Variants in TNNI3K observed in about 807,000 individuals in gnomAD.
TNNI3K encodes serine/threonine-protein kinase TNNI3K.
TNNI3K carries 140 observed loss-of-function variants against 114.5 expected under a neutral mutation model. That is an observed-to-expected ratio of 1.22 (90% CI 1.07 to 1.41). The LOEUF (loss-of-function observed/expected upper bound fraction) is 1.41, where lower values mean the gene tolerates loss of function less well. Among genes scored for constraint, TNNI3K ranks in the 40% most tolerant of loss-of-function variants. The probability of loss-of-function intolerance (pLI) is 0.00; values close to 1 mark genes in which losing one functional copy is unlikely to be tolerated. For synonymous variants in TNNI3K, 347 were observed against 347.5 expected, an observed-to-expected ratio of 1.00 and a Z score of 0.02; for missense variants, 1,125 against 1,007.6, an observed-to-expected ratio of 1.12 and a Z score of -1.58.
chr1:74,455,532 T>C (rs901606387), intron 20 of TNNI3K, among the ~76,000 whole-genome samples: 3 of 152,160 alleles, frequency 2.0e-5, no homozygotes, highest in Non-Finnish European at 4.4e-5. Flanking sequence ...TGATTTATTG[T>C]GGTAATTGAC....
At chr1:74,360,828 G>C (rs1335468143) in intron 11 of TNNI3K, among the ~76,000 whole-genome samples, 2 of 152,062 alleles carry the variant, frequency 1.3e-5, no homozygotes, top group Non-Finnish European at 2.9e-5. Flanking sequence ...CTCTTTCTCT[G>C]TGTTTACCAC....
intron 20 of TNNI3K, among the ~76,000 whole-genome samples, chr1:74,449,599 G>A (rs1349713214): frequency 6.6e-6 from 1 of 151,856 alleles, no homozygotes; most frequent in Non-Finnish European, 1.5e-5. Flanking sequence ...GGCAGGGGTT[G>A]CAATCCTAGT....
chr1:74,490,572 G>T (rs922877999), intron 22 of TNNI3K, among the ~76,000 whole-genome samples: 2 of 152,220 alleles, frequency 1.3e-5, no homozygotes, highest in African/African-American at 2.4e-5. Flanking sequence ...CAAGGGAGAA[G>T]ATGAATGGGC....
At chr1:74,249,760 C>A (rs1316428073) in intron 3 of TNNI3K, among the ~76,000 whole-genome samples, 1 of 152,132 alleles carries the variant, frequency 6.6e-6, no homozygotes, top group Non-Finnish European at 1.5e-5. Flanking sequence ...TGTGTTGCTA[C>A]CGGAAACCAA....
intron 20 of TNNI3K, among the ~76,000 whole-genome samples, chr1:74,444,756 A>G (rs976699065): frequency 2.0e-5 from 3 of 152,118 alleles, no homozygotes; most frequent in Admixed American, 1.3e-4. Context: ...AGCTGGAGGC[A>G]TCATGGTACC....
intron 5 of TNNI3K, among the ~76,000 whole-genome samples, chr1:74,301,857 C>G (rs1428769195): frequency 6.6e-6 from 1 of 152,124 alleles, no homozygotes. Context: ...TCAGAGGAAC[C>G]TTGGAAACAT....
At chr1:74,411,185 T>A (rs189986971) in intron 17 of TNNI3K, among the ~76,000 whole-genome samples, 37 of 152,270 alleles carry the variant, frequency 2.4e-4, no homozygotes, top group African/African-American at 8.4e-4. Context: ...TATTTGAAGA[T>A]TTCTCAATAA....
chr1:74,276,642 A>T (rs1656704669), intron 5 of TNNI3K, among the ~76,000 whole-genome samples: 1 of 152,096 alleles, frequency 6.6e-6, no homozygotes, highest in Admixed American at 6.5e-5. Context: ...GTTCTGTTTC[A>T]TTACTAGTCA....
chr1:74,392,803 A>G (rs967751782), intron 17 of TNNI3K, among the ~76,000 whole-genome samples: 8 of 152,218 alleles, frequency 5.3e-5, no homozygotes, highest in African/African-American at 1.9e-4. Context: ...TGAATTGCAA[A>G]GGAGCTACAT....
At chr1:74,354,170 A>G (rs1441336144) in intron 11 of TNNI3K, 41 bp downstream of exon 11, 2 of 1,612,200 alleles carry the variant, frequency 1.2e-6, no homozygotes, top group South Asian at 1.1e-5. Flanking sequence ...GATACATTGA[A>G]CTGTGTGCAT....
rs1242492643 is a variant in TNNI3K, at chr1:74,451,765, TTC to T, written c.2012-11674_2012-11673del. 5.6e-4 allele frequency among the ~76,000 whole-genome samples: 31 copies of T among 55,334 alleles called. 5 individuals are homozygous for T. Among genetic ancestry groups the T allele is most frequent in the East Asian group, 1.2e-3 (2 of 1,724 alleles). 36.3% of individuals were successfully genotyped at this position (55,334 alleles called of 152,430 possible). A position where few individuals can be genotyped will look rare whatever the true frequency, so the allele number is the denominator to read the frequency against. On this transcript the variant is annotated intron_variant, in intron 20 of 24. Transcript: ENST00000326637. ...TTTCTTTCTTTTCTTTTCTTTTCTT[TTC>T]TTCTTTTCTTTGCCTTTTTGAACAG... is the stretch of plus-strand genomic sequence containing the variant.
Position 74,492,131 on chromosome 1 carries a change from C to T in TNNI3K, c.2216C>T (p.Ser739Phe). ...MSPASSNSSG[S>F]LSPSSSSDCL... is the part of the protein sequence containing the mutation. ...CCTGCATCAAGTAACAGCAGTGGGT[C>T]TCTCTCACCTTCTTCTTCTTCTGAT... The change falls in exon 23 of 25, where the codon TCT becomes TTT. Residue 739 changes from serine to phenylalanine, a missense_variant. Coordinates refer to ENST00000326637, the MANE Select transcript of TNNI3K (RefSeq NM_015978.3). 1 of 1,611,434 alleles carries T rather than the reference C, an allele frequency of 6.2e-7. No individual in the cohort carries two copies. Among genetic ancestry groups the T allele is most frequent in the Non-Finnish European group, 8.5e-7 (1 of 1,178,076 alleles).
At chr1:74,391,370 C>G (rs754375067) in intron 17 of TNNI3K, among the ~76,000 whole-genome samples, 1 of 152,056 alleles carries the variant, frequency 6.6e-6, no homozygotes, top group African/African-American at 2.4e-5. Flanking sequence ...AGAATGGTGA[C>G]AGTGGACATG....
intron 5 of TNNI3K, among the ~76,000 whole-genome samples, chr1:74,328,121 T>G (rs1034976867): frequency 6.6e-6 from 1 of 152,146 alleles, no homozygotes; most frequent in African/African-American, 2.4e-5. Flanking sequence ...ATTATTAATG[T>G]TTATATTACC....
chr1:74,378,958 T>C (rs1663061840), intron 17 of TNNI3K, among the ~76,000 whole-genome samples: 1 of 152,010 alleles, frequency 6.6e-6, no homozygotes, highest in Admixed American at 6.6e-5. Context: ...AAATATAATG[T>C]TAGTTGCATA....
rs1310393809 is a variant in TNNI3K, at chr1:74,250,663, C to T, written c.236-9C>T. ...AATGATTTAGCCTTTTTTCATTTTT[C>T]TCTTTAAGGCAAGAAATCACATATT... On this transcript the variant is annotated splice_polypyrimidine_tract_variant and intron_variant, in intron 3 of 24. Transcript: ENST00000326637. The T allele has an allele frequency of 3.1e-6, 5 of 1,602,756 alleles. No homozygotes were observed. Among genetic ancestry groups the T allele is most frequent in the African/African-American group, 2.7e-5 (2 of 74,178 alleles).
chr1:74,284,796 C>T lies in TNNI3K; in HGVS notation c.444+13088C>T, dbSNP rs1235049498. 2.6e-5 allele frequency among the ~76,000 whole-genome samples: 4 copies of T among 152,186 alleles called. No individual in the cohort carries two copies. In the South Asian group the frequency reaches 8.3e-4, roughly 31 times the overall value. ...TGAGAAGTAGGATATAAATAACTCC[C>T]ACAAGCTTAGCGTTCCAATAATGGA... On this transcript the variant is annotated intron_variant, in intron 5 of 24. Transcript: ENST00000326637.
At chr1:74,515,598 G>A (rs1646337928) in intron 23 of TNNI3K, among the ~76,000 whole-genome samples, 2 of 152,112 alleles carry the variant, frequency 1.3e-5, no homozygotes, top group South Asian at 4.1e-4. Context: ...AAGTAATTGA[G>A]GTCAGACATA....
At chr1:74,367,186 G>A in intron 11 of TNNI3K, 70 bp from the exon 12 acceptor site, 3 of 1,492,612 alleles carry the variant, frequency 2.0e-6, no homozygotes, top group Non-Finnish European at 2.8e-6. Context: ...AATAATTTTT[G>A]GATTTGAGAG....
Sources: gnomAD v4.1 joint callset for allele counts (sites outside exome capture counted in the v4.1 genomes callset) on GRCh38, gnomAD v4.1.1 for gene constraint, MANE v1.5 for transcripts, NCBI Gene and HGNC (gene_info 2026-07-23, HGNC 2026-07-21) for gene names.